Variants in ZIM2 observed in about 807,000 individuals in gnomAD.
ZIM2 encodes the protein zinc finger imprinted 2, also known as zinc finger protein 656.
ZIM2 carries 14 observed loss-of-function variants against 38.6 expected under a neutral mutation model. The observed-to-expected ratio is 0.36, with a 90% CI of 0.24 to 0.57. The LOEUF is 0.57. Ranked by LOEUF, ZIM2 falls within the 20% of genes least tolerant of loss-of-function variation. The pLI, the probability that ZIM2 is intolerant of heterozygous loss-of-function variation, is 0.81. For missense variants in ZIM2, 680 were observed against 695.1 expected, an observed-to-expected ratio of 0.98 and a Z score of 0.24; for synonymous variants, 247 against 245.8, an observed-to-expected ratio of 1.00 and a Z score of -0.04.
At chr19:56,810,378 A>C in intron 9 of ZIM2, 1 of 985,390 alleles carries the variant, frequency 1.0e-6, no homozygotes, top group Non-Finnish European at 1.2e-6. Context: ...CCATAATCCC[A>C]CAACAACCAC....
chr19:56,815,394 T>C (rs780379471), intron 9 of ZIM2: 1 of 1,614,184 alleles, frequency 6.2e-7, no homozygotes, highest in Admixed American at 1.7e-5. Flanking sequence ...CGTAACTTGT[T>C]TGAGGGTCAG....
At chr19:56,837,927 C>G (rs984977802) in intron 1 of ZIM2, among the ~76,000 whole-genome samples, 2 of 152,224 alleles carry the variant, frequency 1.3e-5, no homozygotes, top group African/African-American at 4.8e-5. Context: ...GCACTGCACC[C>G]GCCACATTGA....
At chr19:56,827,580 C>T (rs1248541205) in intron 2 of ZIM2, among the ~76,000 whole-genome samples, 1 of 152,150 alleles carries the variant, frequency 6.6e-6, no homozygotes, top group Non-Finnish European at 1.5e-5. Flanking sequence ...TGTGGCAATG[C>T]AAATTTTATC....
chr19:56,777,021 A>G (rs1316945197), intron 12 of ZIM2, among the ~76,000 whole-genome samples: 1 of 152,226 alleles, frequency 6.6e-6, no homozygotes, highest in Non-Finnish European at 1.5e-5. Context: ...GACGGAGGTA[A>G]GAAGCTGATA....
intron 9 of ZIM2, among the ~76,000 whole-genome samples, chr19:56,800,858 A>G (rs2047486820): frequency 6.6e-6 from 1 of 152,084 alleles, no homozygotes; most frequent in African/African-American, 2.4e-5. Flanking sequence ...GTTGGCTATA[A>G]TTAATAAGAA....
chr19:56,800,385 T>C (rs2047459467), intron 9 of ZIM2, among the ~76,000 whole-genome samples: 1 of 152,098 alleles, frequency 6.6e-6, no homozygotes. Flanking sequence ...TTCTAAAAAT[T>C]ACAGAATGGT....
At chr19:56,815,028 C>T (rs761368606) in intron 9 of ZIM2, 9 of 1,614,180 alleles carry the variant, frequency 5.6e-6, no homozygotes, top group Middle Eastern at 1.6e-4. Flanking sequence ...GTGTGTACTC[C>T]CGACTGTCAA....
At chr19:56,832,415 AT>A (rs2061663189) in intron 2 of ZIM2, among the ~76,000 whole-genome samples, 1 of 151,984 alleles carries the variant, frequency 6.6e-6, no homozygotes, top group Admixed American at 6.6e-5. Context: ...CCACACCCAA[AT>A]CCTCACTTCA....
chr19:56,788,446 C>A (rs930686163), intron 10 of ZIM2, among the ~76,000 whole-genome samples: 4 of 152,062 alleles, frequency 2.6e-5, no homozygotes, highest in Admixed American at 1.3e-4. Flanking sequence ...GTTCTAAATT[C>A]TTTTCCTTAA....
intron 9 of ZIM2, among the ~76,000 whole-genome samples, chr19:56,803,916 G>A (rs564117644): frequency 1.3e-4 from 20 of 152,280 alleles, no homozygotes; most frequent in African/African-American, 4.3e-4. Context: ...ATAAACCCTC[G>A]TGGACAATTT....
chr19:56,782,812 C>A (rs1327073860), intron 10 of ZIM2, among the ~76,000 whole-genome samples: 1 of 151,934 alleles, frequency 6.6e-6, no homozygotes, highest in Admixed American at 6.6e-5. Context: ...ATAAGCACAT[C>A]GTGGGGAATG....
intron 10 of ZIM2, among the ~76,000 whole-genome samples, chr19:56,789,475 C>T (rs1405096706): frequency 6.6e-6 from 1 of 151,930 alleles, no homozygotes; most frequent in Non-Finnish European, 1.5e-5. Context: ...GCCTCCACTC[C>T]CTCATATATA....
At position 56,822,910 on chromosome 19, in the gene ZIM2, C is replaced by A. The variant is rs539442016; in HGVS notation, c.107-74G>T. On this transcript the variant is annotated intron_variant, in intron 5 of 12. Transcript: ENST00000629319. Reference sequence around the variant, plus strand: ...TGTTTTCCCTGCATGTGCACAAACACCCCTCTGGAAAGAGATGCTACCCTC... The same window carrying A: ...TGTTTTCCCTGCATGTGCACAAACAACCCTCTGGAAAGAGATGCTACCCTC... 3.2e-5 allele frequency: 50 copies of A among 1,548,504 alleles called. No homozygotes were observed. The African/African-American group carries it at 4.8e-4, about 15-fold the overall frequency.
rs1030256740 is a variant in ZIM2, at chr19:56,811,509, CTT to C, written c.490+6235_490+6236del. ...ACAGATAGGTTTAAACAATCATTCT[CTT>C]GTTTACCATTTGTTACTACCTTTTC... On this transcript the variant is annotated intron_variant, in intron 9 of 12. Transcript: ENST00000629319. 6.0e-5 allele frequency: 59 copies of C among 984,006 alleles called. No individual in the cohort carries two copies. The African/African-American group carries it at 9.1e-4, about 15-fold the overall frequency. 61.0% of individuals were successfully genotyped at this position (984,006 alleles called of 1,614,324 possible).
In ZIM2 at chr19:56,821,677, A is replaced by AGTCCCTGTC; in HGVS notation, c.259_267dup (p.Asp87_Asp89dup). 1 of 1,614,012 alleles carries AGTCCCTGTC rather than the reference A, an allele frequency of 6.2e-7. No individual in the cohort carries two copies. Among genetic ancestry groups the AGTCCCTGTC allele is most frequent in the Non-Finnish European group, 8.5e-7 (1 of 1,180,002 alleles). ...TGAGATCGGGACTCATAAGCCCTGG[A>AGTCCCTGTC]GTCCCTGTCGTCCTCTCTGTCCATT... On this transcript the variant is annotated inframe_insertion, in exon 7 of 13. Transcript: ENST00000629319.
intron 2 of ZIM2, 29 bp downstream of exon 2, chr19:56,835,989 T>C (rs776231408): frequency 3.9e-6 from 2 of 506,834 alleles, no homozygotes; most frequent in South Asian, 1.5e-5. Flanking sequence ...AAGATGAATG[T>C]GGCACTGTGA....
At position 56,812,339 on chromosome 19, in the gene ZIM2, G is replaced by C. The variant is rs115010197; in HGVS notation, c.490+5407C>G. The C allele has an allele frequency of 1.6e-3, 1,612 of 982,498 alleles. 12 individuals are homozygous for C. Among genetic ancestry groups the C allele is most frequent in the African/African-American group, 0.014 (817 of 57,136 alleles). The allele number at this position is 982,498 out of a possible 1,614,324, so 60.9% of individuals were successfully genotyped here. ...GAAATACTCTAGGAGAGCTGAAAAAGAAGGAACAGATGTTAACAAAACAAA... is the reference window on the plus strand; with the variant it reads ...GAAATACTCTAGGAGAGCTGAAAAACAAGGAACAGATGTTAACAAAACAAA... On this transcript the variant is annotated intron_variant, in intron 9 of 12. Transcript: ENST00000629319.
In ZIM2 at chr19:56,826,700, A is replaced by G. The variant is rs551302968; in HGVS notation, c.-226-237T>C. Among the ~76,000 whole-genome samples the G allele has an allele frequency of 7.2e-5, 11 of 152,328 alleles. No individual in the cohort carries two copies. In the East Asian group the frequency reaches 1.9e-3, roughly 27 times the overall value. On this transcript the variant is annotated intron_variant, in intron 2 of 12. Transcript: ENST00000629319. ...AACAAGTCAAAAACGCAAGACAAAG[A>G]TATCACTAAGAAACCACGAACCAAA...
intron 9 of ZIM2, chr19:56,817,214 A>G (rs772720123): frequency 1.2e-6 from 2 of 1,614,192 alleles, no homozygotes; most frequent in Middle Eastern, 1.6e-4. Flanking sequence ...TTCCTGGGAC[A>G]GCCTTTTTGA....
Sources: allele counts gnomAD v4.1 joint callset (sites outside exome capture counted in the v4.1 genomes callset), GRCh38; gene constraint gnomAD v4.1.1; transcripts MANE v1.5; gene names NCBI Gene and HGNC (gene_info 2026-07-23, HGNC 2026-07-21).